The following TET1 variants were observed in gnomAD, a reference collection of about 807,000 sequenced individuals.
TET1 encodes methylcytosine dioxygenase TET1.
Under a neutral mutation model 148.7 loss-of-function variants are expected in TET1, and 13 were observed. That is an observed-to-expected ratio of 0.09 (90% CI 0.06 to 0.14). TET1 has a LOEUF of 0.14. Ranked by LOEUF, TET1 falls within the 10% of genes least tolerant of loss-of-function variation. The pLI is 1.00. For missense variants in TET1, 2,182 were observed against 2,553.8 expected, an observed-to-expected ratio of 0.85 and a Z score of 3.14; for synonymous variants, 907 against 937.2, an observed-to-expected ratio of 0.97 and a Z score of 0.59.
intron 2 of TET1, among the ~76,000 whole-genome samples, chr10:68,593,238 A>G (rs1392191969): frequency 1.3e-4 from 19 of 150,212 alleles, no homozygotes; most frequent in Admixed American, 2.0e-4. Context: ...CTCAAAAAAA[A>G]AAAAAAAAAA....
At chr10:68,572,143 A>G in intron 1 of TET1, 74 bp from the exon 2 acceptor site, 1 of 548,246 alleles carries the variant, frequency 1.8e-6, no homozygotes, top group Non-Finnish European at 3.2e-6. Flanking sequence ...AACAATTAGT[A>G]GTGAATATTC....
chr10:68,580,624 CA>C (rs1353812853), intron 2 of TET1, among the ~76,000 whole-genome samples: 1 of 149,746 alleles, frequency 6.7e-6, no homozygotes. Flanking sequence ...ACCAAAAATT[CA>C]AAAAAAATTA....
chr10:68,634,460 A>G lies in TET1; in HGVS notation c.1969-10238A>G, dbSNP rs1686675837. 2.6e-5 allele frequency among the ~76,000 whole-genome samples: 4 copies of G among 152,232 alleles called. No homozygotes were observed. The South Asian group carries it at 8.3e-4, about 31-fold the overall frequency. ...ATTCATTGTAACTTTAATTCAGTGC[A>G]TCTTAGTTAGCATTAGTATCCAGTG... is the stretch of plus-strand genomic sequence containing the variant. On this transcript the variant is annotated intron_variant, in intron 3 of 11. Coordinates refer to ENST00000373644, the MANE Select transcript of TET1 (RefSeq NM_030625.3).
chr10:68,608,939 C>A (rs1336231967), intron 3 of TET1, among the ~76,000 whole-genome samples: 1 of 152,158 alleles, frequency 6.6e-6, no homozygotes, highest in African/African-American at 2.4e-5. Flanking sequence ...GATCTTCCTG[C>A]CTTGGCCTCC....
chr10:68,658,889 A>T (rs2055064266), intron 6 of TET1, among the ~76,000 whole-genome samples: 1 of 152,172 alleles, frequency 6.6e-6, no homozygotes, highest in Admixed American at 6.5e-5. Flanking sequence ...AAAAAAAAAT[A>T]GTATTTTAAA....
intron 3 of TET1, among the ~76,000 whole-genome samples, chr10:68,627,935 A>T (rs1333190466): frequency 6.9e-6 from 1 of 144,414 alleles, no homozygotes; most frequent in East Asian, 2.0e-4. Flanking sequence ...GACTATGTCT[A>T]AAAAAAAAAG....
intron 3 of TET1, among the ~76,000 whole-genome samples, chr10:68,615,175 C>T (rs2054271196): frequency 6.6e-6 from 1 of 151,858 alleles, no homozygotes; most frequent in African/African-American, 2.4e-5. Flanking sequence ...TCGTGATCCA[C>T]CCGCCTGGGC....
Position 68,691,013 on chromosome 10 carries a change from C to T in TET1, c.5610C>T (p.Cys1870=), listed in dbSNP as rs756735294. 47 of 1,614,028 alleles carry T rather than the reference C, an allele frequency of 2.9e-5. No homozygotes were observed. The African/African-American group carries it at 4.1e-4, about 14-fold the overall frequency. ...TGAAGAATGACGCAACAGCCTCATG[C>T]GGGTTTTCAGAAAGAAGCAGCACTC... ...APLKNDATAS[C]GFSERSSTPH... The change falls in exon 12 of 12, where the codon TGC becomes TGT. Residue 1870 remains cysteine, a synonymous_variant. Transcript: ENST00000373644. This position sits in a 1 kb window ranked among gnomAD's most constrained non-coding sequence, Gnocchi z 4.4.
At chr10:68,638,765 TTGTGTGTGTGTG>T (rs59106736) in intron 3 of TET1, among the ~76,000 whole-genome samples, 2,473 of 140,902 alleles carry the variant, frequency 0.018, 42 homozygotes, top group African/African-American at 0.052. Flanking sequence ...TGTATGGAGT[TTGTGTGTGTGTG>T]TGTGTGTGTG....
At chr10:68,561,066 G>A (rs2053546865) in intron 1 of TET1, among the ~76,000 whole-genome samples, 1 of 152,188 alleles carries the variant, frequency 6.6e-6, no homozygotes, top group Non-Finnish European at 1.5e-5. Context: ...GGTGGAAGCG[G>A]GGCTGGGGGA....
rs1161774439 is a variant in TET1, at chr10:68,691,945, T to C, written c.*131T>C. On this transcript the variant is annotated 3_prime_UTR_variant, in exon 12 of 12. Transcript: ENST00000373644. The surrounding 1 kb of genome is among the most constrained non-coding windows in gnomAD (Gnocchi z 4.4). ...CAAGTCTGAGGTAAAAAAATAATAA[T>C]GATAACAAAACGGGGTGGGTATTCT... The C allele has an allele frequency of 3.5e-6, 4 of 1,148,812 alleles. No homozygotes were observed. The highest frequency in any genetic ancestry group is 3.6e-6 in the Non-Finnish European group (3 of 825,370). The allele number at this position is 1,148,812 out of a possible 1,614,324, so 71.2% of individuals were successfully genotyped here.
intron 8 of TET1, chr10:68,673,401 A>T: frequency 2.6e-6 from 1 of 391,614 alleles, no homozygotes; most frequent in Non-Finnish European, 5.2e-6. Context: ...CTACCCACAG[A>T]CCTACTATGA....
intron 2 of TET1, among the ~76,000 whole-genome samples, chr10:68,575,654 A>G (rs993244584): frequency 4.6e-5 from 7 of 151,692 alleles, no homozygotes; most frequent in Non-Finnish European, 1.0e-4. Flanking sequence ...GTGAGACGTC[A>G]TCGTGCCACT....
chr10:68,675,165 C>CT, intron 8 of TET1: 1 of 326,482 alleles, frequency 3.1e-6, no homozygotes. Context: ...AAAAAAGTGT[C>CT]TGTTAGTTGA....
intron 1 of TET1, among the ~76,000 whole-genome samples, chr10:68,571,515 C>T (rs2053669468): frequency 6.6e-6 from 1 of 151,718 alleles, no homozygotes; most frequent in Middle Eastern, 3.2e-3. Context: ...TCCTGACCAC[C>T]TCAGGCTCCC....
chr10:68,693,620 A>C lies in TET1; in HGVS notation c.*1806A>C, dbSNP rs1321695003. The C allele has an allele frequency of 4.3e-6, 1 of 232,450 alleles. No individual in the cohort carries two copies. The highest frequency in any genetic ancestry group is 8.5e-6 in the Non-Finnish European group (1 of 117,676). The allele number at this position is 232,450 out of a possible 1,614,324, so 14.4% of individuals were successfully genotyped here. On this transcript the variant is annotated 3_prime_UTR_variant, in exon 12 of 12. Transcript: ENST00000373644. ...TTGAATATGTAAAATAGGGTAATTCATTGACTTGTTTTAGTATTTTGTGTG... is the reference window on the plus strand; with the variant it reads ...TTGAATATGTAAAATAGGGTAATTCCTTGACTTGTTTTAGTATTTTGTGTG...
intron 3 of TET1, among the ~76,000 whole-genome samples, chr10:68,627,618 C>T (rs1236311252): frequency 6.6e-6 from 1 of 151,316 alleles, no homozygotes; most frequent in Non-Finnish European, 1.5e-5. Context: ...AAAGAAAACT[C>T]AATCACCATG....
chr10:68,572,313 C>G lies in TET1; in HGVS notation c.-26C>G, dbSNP rs762305165. The G allele has an allele frequency of 5.5e-5, 86 of 1,558,860 alleles. No individual in the cohort carries two copies. The highest frequency in any genetic ancestry group is 7.3e-5 in the Non-Finnish European group (84 of 1,157,516). ...GACCAATGACTCTGTTTCCTGCGCCCTTTCATTTTTTCCTACTCTGTAGCT... is the reference window on the plus strand; with the variant it reads ...GACCAATGACTCTGTTTCCTGCGCCGTTTCATTTTTTCCTACTCTGTAGCT... On this transcript the variant is annotated 5_prime_UTR_variant, in exon 2 of 12. Transcript: ENST00000373644.
intron 2 of TET1, among the ~76,000 whole-genome samples, chr10:68,581,678 C>A (rs184379872): frequency 6.6e-6 from 1 of 151,696 alleles, no homozygotes; most frequent in African/African-American, 2.4e-5. Flanking sequence ...CCCGTTTCTC[C>A]AAAAAAATAC....
Sources: allele counts gnomAD v4.1 joint callset (sites outside exome capture counted in the v4.1 genomes callset), GRCh38; gene constraint gnomAD v4.1.1; non-coding constraint Gnocchi (gnomAD v3.1); transcripts MANE v1.5; gene names NCBI Gene and HGNC (gene_info 2026-07-23, HGNC 2026-07-21).